Variants in DIP2A observed in about 807,000 individuals in gnomAD.
DIP2A encodes the protein DIP2 acetate--CoA ligase A, also known as disco-interacting protein 2 homolog A.
DIP2A carries 85 observed loss-of-function variants against 177.4 expected under a neutral mutation model. The ratio of observed to expected loss-of-function variants is 0.48; its 90% CI spans 0.40 to 0.57. The LOEUF is 0.57. Ranked by LOEUF, DIP2A falls within the 20% of genes least tolerant of loss-of-function variation. The pLI is 0.00. For missense variants in DIP2A, 1,791 were observed against 2,100.2 expected (o/e 0.85, Z 2.88); for synonymous variants, 886 against 881.8 (o/e 1.00, Z -0.08).
intron 6 of DIP2A, among the ~76,000 whole-genome samples, chr21:46,506,768 CTTTCT>C (rs1555887519): frequency 4.8e-5 from 3 of 63,060 alleles, no homozygotes; most frequent in South Asian, 8.2e-4. Context: ...TTCTTTCTTT[CTTTCT>C]TTTCTTTTCT....
chr21:46,560,580 C>T lies in DIP2A; in HGVS notation c.3970-142C>T, dbSNP rs577989872. ...GCCTGGGGGACCTTGAACCCCTAGGCGGACTCACTGCAGGGAGCAGAGCTG... is the reference window on the plus strand; with the variant it reads ...GCCTGGGGGACCTTGAACCCCTAGGTGGACTCACTGCAGGGAGCAGAGCTG... On this transcript the variant is annotated intron_variant, in intron 32 of 37. Transcript: ENST00000417564. 1.6e-4 allele frequency: 175 copies of T among 1,081,012 alleles called. No individual in the cohort carries two copies. The African/African-American group carries it at 2.4e-3, about 15-fold the overall frequency. The allele number at this position is 1,081,012 out of a possible 1,614,324, so 67.0% of individuals were successfully genotyped here.
At chr21:46,579,500 G>T in the DIP2A span, among the ~76,000 whole-genome samples, 1 of 151,920 alleles carries the variant, frequency 6.6e-6, no homozygotes, top group Non-Finnish European at 1.5e-5. Context: ...GCTAGCTTTG[G>T]GGTTTGTTTG....
chr21:46,483,979 G>A (rs1015816587), intron 1 of DIP2A, among the ~76,000 whole-genome samples: 1 of 152,188 alleles, frequency 6.6e-6, no homozygotes, highest in African/African-American at 2.4e-5. Context: ...TCATGATGGT[G>A]CATTTCCTAC....
At chr21:46,477,092 GCCT>G (rs1307469194) in intron 1 of DIP2A, among the ~76,000 whole-genome samples, 3 of 152,088 alleles carry the variant, frequency 2.0e-5, no homozygotes, top group Middle Eastern at 3.2e-3. Flanking sequence ...TCGTTTTCTT[GCCT>G]CCTCCTGCTC....
chr21:46,484,910 C>A, intron 2 of DIP2A, 82 bp downstream of exon 2: 1 of 1,354,420 alleles, frequency 7.4e-7, no homozygotes, highest in Non-Finnish European at 9.9e-7. Context: ...TAGAGTTTAA[C>A]ATTTGTTAGC....
intron 18 of DIP2A, among the ~76,000 whole-genome samples, chr21:46,542,997 C>T (rs954075772): frequency 5.3e-5 from 8 of 152,238 alleles, no homozygotes; most frequent in Admixed American, 5.2e-4. Flanking sequence ...TGCCTGATCC[C>T]TGTGTGTGCA....
the DIP2A span, among the ~76,000 whole-genome samples, chr21:46,579,652 C>A: frequency 6.6e-6 from 1 of 152,098 alleles, no homozygotes; most frequent in Non-Finnish European, 1.5e-5. Flanking sequence ...GGTATATTGT[C>A]TCTTTGTTCT....
intron 25 of DIP2A, chr21:46,553,854 C>G (rs1468725322): frequency 4.4e-6 from 1 of 229,150 alleles, no homozygotes; most frequent in Non-Finnish European, 9.1e-6. Context: ...TGAGAGAGTA[C>G]AGATGGTGAG....
At chr21:46,551,267 TTTTA>T (rs1302586373) in intron 23 of DIP2A, among the ~76,000 whole-genome samples, 3 of 152,246 alleles carry the variant, frequency 2.0e-5, no homozygotes, top group Admixed American at 2.0e-4. Context: ...CAAAGTTTTT[TTTTA>T]TTAATTATTG....
At chr21:46,532,831 GA>G (rs981053170) in intron 10 of DIP2A, among the ~76,000 whole-genome samples, 1 of 151,650 alleles carries the variant, frequency 6.6e-6, no homozygotes, top group African/African-American at 2.4e-5. Flanking sequence ...TATGATTACT[GA>G]AAAAAAATAG....
At position 46,459,242 on chromosome 21, in the gene DIP2A, C is replaced by G; in HGVS notation, c.91+20C>G. 1 of 1,511,506 alleles carries G rather than the reference C, an allele frequency of 6.6e-7. No homozygotes were observed. The allele number at this position is 1,511,506 out of a possible 1,614,324, so 93.6% of individuals were successfully genotyped here. On this transcript the variant is annotated intron_variant, in intron 1 of 37. Transcript: ENST00000417564. ...CGGAAGGTGAGCCGGACCCCGCCCT[C>G]AACCCCCGCGACCCGCCCTCAGCCC...
chr21:46,524,557 C>G (rs575821514), intron 8 of DIP2A, among the ~76,000 whole-genome samples: 1 of 152,266 alleles, frequency 6.6e-6, no homozygotes, highest in South Asian at 2.1e-4. Flanking sequence ...GATCCTATTC[C>G]AGACCCCAAG....
At position 46,509,316 on chromosome 21, in the gene DIP2A, A is replaced by G; in HGVS notation, c.844A>G (p.Arg282Gly). 1 of 1,613,862 alleles carries G rather than the reference A, an allele frequency of 6.2e-7. No homozygotes were observed. Among genetic ancestry groups the G allele is most frequent in the Non-Finnish European group, 8.5e-7 (1 of 1,179,838 alleles). ...CCAGCAGCTTCTGAACACCCTGAAG[A>G]GGCCAAAGCGCCCTCCACTGAAGGA... is the stretch of plus-strand genomic sequence containing the variant. ...KIQQLLNTLK[R>G]PKRPPLKEFF... The change falls in exon 7 of 38, where the codon AGG becomes GGG. Residue 282 changes from arginine (R) to glycine (G), a missense_variant. By Grantham distance (125) the Arg-to-Gly change is moderately radical. Transcript: ENST00000417564.
intron 6 of DIP2A, among the ~76,000 whole-genome samples, chr21:46,505,907 CCTT>C (rs1351691254): frequency 6.6e-6 from 1 of 152,190 alleles, no homozygotes; most frequent in African/African-American, 2.4e-5. Flanking sequence ...ATAGTTTACT[CCTT>C]CTCATTGAGT....
At chr21:46,548,182 G>A (rs893233183) in intron 21 of DIP2A, among the ~76,000 whole-genome samples, 1 of 75,564 alleles carries the variant, frequency 1.3e-5, no homozygotes, top group Non-Finnish European at 2.9e-5. Context: ...GCATGTGTGC[G>A]TGTGTGTGTG....
At chr21:46,562,076 C>T (rs751244344) in intron 34 of DIP2A, among the ~76,000 whole-genome samples, 8 of 152,224 alleles carry the variant, frequency 5.3e-5, no homozygotes, top group Non-Finnish European at 1.0e-4. Context: ...GGGTGGGTGG[C>T]AGGCCTCAGG....
At chr21:46,532,336 G>A in intron 10 of DIP2A, 99 bp downstream of exon 10, 9 of 986,638 alleles carry the variant, frequency 9.1e-6, no homozygotes, top group East Asian at 2.7e-5. Flanking sequence ...GCAGCAAGCA[G>A]CTGTTTTGAC....
chr21:46,579,383 A>T, the DIP2A span, among the ~76,000 whole-genome samples: 1 of 151,056 alleles, frequency 6.6e-6, no homozygotes, highest in African/African-American at 2.4e-5. Flanking sequence ...TATTTTATTA[A>T]TTTTTTTCAA....
chr21:46,478,759 T>C (rs188491294), intron 1 of DIP2A, among the ~76,000 whole-genome samples: 6 of 152,064 alleles, frequency 3.9e-5, no homozygotes, highest in Non-Finnish European at 8.8e-5. Context: ...TTTTTTTTTT[T>C]AAATTCACAA....
Sources: gnomAD v4.1 joint callset for allele counts (sites outside exome capture counted in the v4.1 genomes callset) on GRCh38, gnomAD v4.1.1 for gene constraint, MANE v1.5 for transcripts, NCBI Gene and HGNC (gene_info 2026-07-23, HGNC 2026-07-21) for gene names.